MACROD1: variants seen among roughly 807,000 people sequenced by gnomAD.
MACROD1 encodes the protein ADP-ribose glycohydrolase MACROD1.
MACROD1 carries 31 observed loss-of-function variants against 41.4 expected under a neutral mutation model. That is an observed-to-expected ratio of 0.75 (90% CI 0.56 to 1.01). The LOEUF (loss-of-function observed/expected upper bound fraction) is 1.01, where lower values mean the gene tolerates loss of function less well. Among genes scored for constraint, MACROD1 ranks in the 50% least tolerant of loss-of-function variants. MACROD1 has a pLI of 0.00. For missense variants in MACROD1, 473 were observed against 460.0 expected (o/e 1.03, Z -0.26); for synonymous variants, 252 against 203.4 (o/e 1.24, Z -2.03).
At chr11:64,113,711 G>A (rs1208273493) in intron 3 of MACROD1, among the ~76,000 whole-genome samples, 4 of 144,610 alleles carry the variant, frequency 2.8e-5, no homozygotes, top group African/African-American at 7.7e-5. Context: ...GGACGGACAG[G>A]TGGATGCATG....
chr11:64,074,961 G>A (rs541788728), intron 3 of MACROD1, among the ~76,000 whole-genome samples: 7 of 152,176 alleles, frequency 4.6e-5, no homozygotes, highest in Non-Finnish European at 1.0e-4. Context: ...TAAATCAGTT[G>A]GGCTCCTGAC....
Position 63,998,601 on chromosome 11 carries a change from G to C in MACROD1, c.*117C>G. On this transcript the variant is annotated 3_prime_UTR_variant, in exon 11 of 11. Transcript: ENST00000255681. ...ATTAGGCTCCTCGGGGGCGGGGCGC[G>C]GAGGGAAAGAAGGGGTGGCCAGGCC... 6 of 1,280,936 alleles carry C rather than the reference G, an allele frequency of 4.7e-6. No homozygotes were observed. The highest frequency in any genetic ancestry group is 5.9e-6 in the Non-Finnish European group (6 of 1,015,254). The allele number at this position is 1,280,936 out of a possible 1,614,324, so 79.3% of individuals were successfully genotyped here.
intron 3 of MACROD1, among the ~76,000 whole-genome samples, chr11:64,136,466 ATGCGTTGGCAGC>A (rs1319476172): frequency 6.6e-6 from 1 of 152,118 alleles, no homozygotes; most frequent in Admixed American, 6.5e-5. Context: ...TGAGGGTGGG[ATGCGTTGGCAGC>A]TGCAAGGCTG....
At position 64,107,739 on chromosome 11, in the gene MACROD1, C is replaced by A. The variant is rs542936414; in HGVS notation, c.517+43500G>T. On this transcript the variant is annotated intron_variant, in intron 3 of 10. Transcript: ENST00000255681. ...GTGGCTGGCTGGCACCCTGCCCTGGCGGGAGCTGGGGTTAGAAGGTCCTTG... is the reference window on the plus strand; with the variant it reads ...GTGGCTGGCTGGCACCCTGCCCTGGAGGGAGCTGGGGTTAGAAGGTCCTTG... Among the ~76,000 whole-genome samples the A allele has an allele frequency of 2.6e-5, 4 of 152,278 alleles. No homozygotes were observed. In the South Asian group the frequency reaches 8.3e-4, roughly 32 times the overall value.
Position 64,090,827 on chromosome 11 carries a change from C to T in MACROD1, c.517+60412G>A, listed in dbSNP as rs891984236. On this transcript the variant is annotated intron_variant, in intron 3 of 10. Transcript: ENST00000255681. The surrounding 1 kb of genome is among the most constrained non-coding windows in gnomAD (Gnocchi z 4.7). ...TCTGGGGCTCTGCAGAAGCAGAGCC[C>T]GAGTCGGGTCCAGCCCTGCACTCCC... Among the ~76,000 whole-genome samples, 7 of 151,930 alleles carry T rather than the reference C, an allele frequency of 4.6e-5. No homozygotes were observed. Among genetic ancestry groups the T allele is most frequent in the South Asian group, 2.1e-4 (1 of 4,814 alleles).
At chr11:64,077,725 G>T (rs1198326628) in intron 3 of MACROD1, among the ~76,000 whole-genome samples, 1 of 152,194 alleles carries the variant, frequency 6.6e-6, no homozygotes, top group African/African-American at 2.4e-5. Flanking sequence ...GTCTCAGGGG[G>T]TCACTACCCC....
intron 4 of MACROD1, among the ~76,000 whole-genome samples, chr11:64,005,065 C>T (rs569039042): frequency 5.0e-5 from 4 of 80,060 alleles, no homozygotes; most frequent in South Asian, 4.0e-4. Context: ...GTTTTTTGCT[C>T]GTTGCCCAGG....
At position 64,036,555 on chromosome 11, in the gene MACROD1, C is replaced by T. The variant is rs893435782; in HGVS notation, c.518-21274G>A. Among the ~76,000 whole-genome samples the T allele has an allele frequency of 6.6e-6, 1 of 152,170 alleles. No homozygotes were observed. Among genetic ancestry groups the T allele is most frequent in the African/African-American group, 2.4e-5 (1 of 41,458 alleles). On this transcript the variant is annotated intron_variant, in intron 3 of 10. Coordinates refer to ENST00000255681, the MANE Select transcript of MACROD1 (RefSeq NM_014067.4). The surrounding 1 kb of genome is among the most constrained non-coding windows in gnomAD (Gnocchi z 5.6). ...TCATGTGGGTCCCAGCTCCCGCACT[C>T]GGGAACCGGAGGAGGGCGCGCGGCC...
At chr11:64,037,591 C>T (rs1943406803) in intron 3 of MACROD1, among the ~76,000 whole-genome samples, 1 of 152,104 alleles carries the variant, frequency 6.6e-6, no homozygotes, top group Non-Finnish European at 1.5e-5. Flanking sequence ...GTGTGAGGGG[C>T]AGGAAGAGCT....
At chr11:64,119,907 C>G (rs1945067867) in intron 3 of MACROD1, among the ~76,000 whole-genome samples, 1 of 151,342 alleles carries the variant, frequency 6.6e-6, no homozygotes, top group African/African-American at 2.4e-5. Flanking sequence ...TCCGACGTGC[C>G]TGCGTCCCAG....
intron 3 of MACROD1, among the ~76,000 whole-genome samples, chr11:64,078,502 C>G (rs1306027668): frequency 2.0e-5 from 3 of 152,222 alleles, no homozygotes; most frequent in Non-Finnish European, 4.4e-5. Context: ...ACCCCGGCCT[C>G]CCCTTGCAGC....
chr11:64,147,580 G>A (rs182776718), intron 3 of MACROD1, among the ~76,000 whole-genome samples: 72 of 150,968 alleles, frequency 4.8e-4, no homozygotes, highest in Admixed American at 4.0e-3. Context: ...ATGCCATCAC[G>A]CCTGGCTAAT....
chr11:64,049,652 G>C (rs1943653216), intron 3 of MACROD1, among the ~76,000 whole-genome samples: 1 of 152,226 alleles, frequency 6.6e-6, no homozygotes, highest in South Asian at 2.1e-4. Context: ...TGCTGAAGGG[G>C]GTGGACGCTG....
At position 64,122,906 on chromosome 11, in the gene MACROD1, G is replaced by A. The variant is rs1169804317; in HGVS notation, c.517+28333C>T. Among the ~76,000 whole-genome samples the A allele has an allele frequency of 6.6e-6, 1 of 152,208 alleles. No homozygotes were observed. ...TCCGGCCCTGGAGCCAAGGAGCCAGGAGAGGAGGAGAAAGAGCAGACCCTC... is the reference window on the plus strand; with the variant it reads ...TCCGGCCCTGGAGCCAAGGAGCCAGAAGAGGAGGAGAAAGAGCAGACCCTC... On this transcript the variant is annotated intron_variant, in intron 3 of 10. Coordinates refer to ENST00000255681, the MANE Select transcript of MACROD1 (RefSeq NM_014067.4). The surrounding 1 kb of genome is among the most constrained non-coding windows in gnomAD (Gnocchi z 4.0).
At chr11:64,025,511 C>T (rs1022765875) in intron 3 of MACROD1, among the ~76,000 whole-genome samples, 6 of 152,192 alleles carry the variant, frequency 3.9e-5, no homozygotes, top group African/African-American at 1.4e-4. Context: ...CAGCAGAAGC[C>T]CCCTCCCTGC....
At chr11:64,052,342 T>C (rs938492263) in intron 3 of MACROD1, among the ~76,000 whole-genome samples, 1 of 151,876 alleles carries the variant, frequency 6.6e-6, no homozygotes, top group African/African-American at 2.4e-5. Flanking sequence ...CTGGAAAGAG[T>C]TTTTAAAAAT....
At chr11:64,079,112 G>T (rs941817739) in intron 3 of MACROD1, among the ~76,000 whole-genome samples, 1 of 152,142 alleles carries the variant, frequency 6.6e-6, no homozygotes, top group African/African-American at 2.4e-5. Flanking sequence ...ATGGTGCAGT[G>T]GGGGGCGGTG....
At chr11:64,151,639 T>C (rs976769966) in intron 2 of MACROD1, among the ~76,000 whole-genome samples, 3 of 152,150 alleles carry the variant, frequency 2.0e-5, no homozygotes, top group Non-Finnish European at 2.9e-5. Context: ...GAGGATTAGG[T>C]GGGTCAGAGA....
chr11:64,081,561 A>G (rs1944304159), intron 3 of MACROD1: 1 of 152,398 alleles, frequency 6.6e-6, no homozygotes, highest in Non-Finnish European at 1.5e-5. Flanking sequence ...CACACATATC[A>G]TGGGTATTAT....
Sources: allele counts gnomAD v4.1 joint callset (sites outside exome capture counted in the v4.1 genomes callset), GRCh38; gene constraint gnomAD v4.1.1; non-coding constraint Gnocchi (gnomAD v3.1); transcripts MANE v1.5; gene names NCBI Gene and HGNC (gene_info 2026-07-23, HGNC 2026-07-21).